MCPH1: variants seen among roughly 807,000 people sequenced by gnomAD.
MCPH1 encodes microcephalin 1.
In MCPH1, 104 loss-of-function variants were observed where a neutral mutation model predicts 84.5. The ratio of observed to expected loss-of-function variants is 1.23; its 90% CI spans 1.05 to 1.45. MCPH1 has a LOEUF of 1.45. MCPH1 is among the 40% of genes most tolerant of loss of function. The pLI, the probability that MCPH1 is intolerant of heterozygous loss-of-function variation, is 0.00. For synonymous variants in MCPH1, 514 were observed against 366.8 expected, an observed-to-expected ratio of 1.40 and a Z score of -4.58; for missense variants, 1,498 against 1,005.7, an observed-to-expected ratio of 1.49 and a Z score of -6.62.
At chr8:6,544,358 C>T (rs1381751940) in intron 12 of MCPH1, among the ~76,000 whole-genome samples, 1 of 152,186 alleles carries the variant, frequency 6.6e-6, no homozygotes, top group African/African-American at 2.4e-5. Flanking sequence ...TTTGACTGTG[C>T]TGGAAAGAGA....
At chr8:6,449,772 T>C (rs1409294304) in intron 8 of MCPH1, among the ~76,000 whole-genome samples, 1 of 152,214 alleles carries the variant, frequency 6.6e-6, no homozygotes, top group Non-Finnish European at 1.5e-5. Context: ...TTTTAACCTC[T>C]GACAGCACAA....
chr8:6,449,106 G>A (rs577299328), intron 8 of MCPH1, among the ~76,000 whole-genome samples: 139 of 152,238 alleles, frequency 9.1e-4, no homozygotes, highest in South Asian at 7.5e-3. Context: ...TAGATTTTAC[G>A]TATTTCACTT....
chr8:6,497,296 C>T (rs1244204969), intron 11 of MCPH1, among the ~76,000 whole-genome samples: 1 of 149,328 alleles, frequency 6.7e-6, no homozygotes, highest in Admixed American at 6.7e-5. Context: ...GCCTGACCAA[C>T]ACTGTGAAAC....
intron 2 of MCPH1, among the ~76,000 whole-genome samples, chr8:6,411,942 G>C (rs1019441314): frequency 3.3e-5 from 5 of 152,144 alleles, no homozygotes; most frequent in African/African-American, 1.2e-4. Context: ...CTGGCATTTG[G>C]GAGGGGCTGA....
At chr8:6,445,710 A>T (rs1804254771) in intron 8 of MCPH1, 163 bp downstream of exon 8, 1 of 1,415,790 alleles carries the variant, frequency 7.1e-7, no homozygotes, top group South Asian at 1.7e-5. Context: ...ACTCTTTAGG[A>T]ATAGATGACT....
intron 12 of MCPH1, among the ~76,000 whole-genome samples, chr8:6,578,301 A>C (rs1159671255): frequency 6.6e-6 from 1 of 152,192 alleles, no homozygotes; most frequent in Admixed American, 6.5e-5. Flanking sequence ...ATCAATTCTA[A>C]ACAGCATTTT....
intron 12 of MCPH1, among the ~76,000 whole-genome samples, chr8:6,558,243 A>G (rs1313302283): frequency 6.6e-6 from 1 of 152,222 alleles, no homozygotes; most frequent in African/African-American, 2.4e-5. Context: ...AAAATCTCTG[A>G]GTGCTAATCT....
chr8:6,532,250 C>T, intron 12 of MCPH1: 3 of 1,529,796 alleles, frequency 2.0e-6, no homozygotes, highest in Non-Finnish European at 2.7e-6. Flanking sequence ...TTTCTCATGC[C>T]TTCATTGAGG....
intron 1 of MCPH1, chr8:6,406,968 T>C (rs1258407741): frequency 4.3e-6 from 2 of 466,256 alleles, no homozygotes; most frequent in Non-Finnish European, 7.7e-6. Flanking sequence ...ACTGCCTGCT[T>C]CCTCCCCCGT....
intron 3 of MCPH1, among the ~76,000 whole-genome samples, chr8:6,427,956 C>A (rs1267695750): frequency 6.6e-6 from 1 of 151,934 alleles, no homozygotes; most frequent in Non-Finnish European, 1.5e-5. Flanking sequence ...CCACGCCCGG[C>A]TAATTTTTGC....
At chr8:6,469,469 T>G (rs1156376375) in intron 9 of MCPH1, among the ~76,000 whole-genome samples, 1 of 152,182 alleles carries the variant, frequency 6.6e-6, no homozygotes, top group Non-Finnish European at 1.5e-5. Context: ...ATTTATCTTT[T>G]GTCATATTGG....
chr8:6,614,277 C>A (rs753007076), intron 12 of MCPH1, among the ~76,000 whole-genome samples: 1 of 152,200 alleles, frequency 6.6e-6, no homozygotes, highest in Non-Finnish European at 1.5e-5. Flanking sequence ...ACAGGACTCA[C>A]GATGGAAGAC....
At chr8:6,513,629 G>C (rs764886182) in intron 12 of MCPH1, 19 of 1,552,568 alleles carry the variant, frequency 1.2e-5, no homozygotes, top group Non-Finnish European at 1.5e-5. Context: ...CACCGTGCCC[G>C]GCCACAAATC....
intron 12 of MCPH1, among the ~76,000 whole-genome samples, chr8:6,569,443 T>C (rs1826482651): frequency 6.6e-6 from 1 of 152,202 alleles, no homozygotes; most frequent in South Asian, 2.1e-4. Context: ...GTTACACTAG[T>C]GTTAAATCCT....
chr8:6,572,857 G>A (rs756285231), intron 12 of MCPH1, among the ~76,000 whole-genome samples: 11 of 152,190 alleles, frequency 7.2e-5, no homozygotes, highest in South Asian at 2.1e-4. Flanking sequence ...GCCCCCACAC[G>A]GGAAGCCTCC....
chr8:6,531,314 A>T (rs1819469989), intron 12 of MCPH1, among the ~76,000 whole-genome samples: 1 of 146,030 alleles, frequency 6.8e-6, no homozygotes, highest in African/African-American at 2.6e-5. Context: ...TTTGAGTTGA[A>T]GTCTCACTCT....
At chr8:6,536,973 A>G (rs12550622) in intron 12 of MCPH1, among the ~76,000 whole-genome samples, 36,914 of 112,896 alleles carry the variant, frequency 0.33, 4,722 homozygotes, top group Admixed American at 0.37. Context: ...TTAGTACAAG[A>G]AAAAAAAAAA....
intron 12 of MCPH1, among the ~76,000 whole-genome samples, chr8:6,599,210 G>T (rs1403214195): frequency 6.6e-6 from 1 of 152,166 alleles, no homozygotes; most frequent in African/African-American, 2.4e-5. Context: ...TACCTAAAAG[G>T]AATGCCTTCC....
intron 12 of MCPH1, among the ~76,000 whole-genome samples, chr8:6,605,617 C>T (rs1368704000): frequency 1.3e-5 from 2 of 152,234 alleles, no homozygotes; most frequent in African/African-American, 2.4e-5. Flanking sequence ...AAGTCAGTGG[C>T]TGCTGATCTG....
Sources: allele counts gnomAD v4.1 joint callset (sites outside exome capture counted in the v4.1 genomes callset), GRCh38; gene constraint gnomAD v4.1.1; transcripts MANE v1.5; gene names NCBI Gene and HGNC (gene_info 2026-07-23, HGNC 2026-07-21).